The following STXBP4 variants were observed in gnomAD, a reference collection of about 807,000 sequenced individuals.
STXBP4 encodes the protein syntaxin binding protein 4.
STXBP4 carries 55 observed loss-of-function variants against 76.1 expected under a neutral mutation model. The observed-to-expected ratio is 0.72, with a 90% CI of 0.58 to 0.91. The LOEUF (loss-of-function observed/expected upper bound fraction) is 0.91. Among genes scored for constraint, STXBP4 ranks in the 40% least tolerant of loss-of-function variants. The pLI, the probability that STXBP4 is intolerant of heterozygous loss-of-function variation, is 0.00. For synonymous variants in STXBP4, 201 were observed against 220.2 expected (o/e 0.91, Z 0.77); for missense variants, 618 against 636.9 (o/e 0.97, Z 0.32).
Position 55,163,220 on chromosome 17 carries a change from T to TG in STXBP4, c.*3309_*3310insG, listed in dbSNP as rs565516409. The stretch of plus-strand genomic sequence containing the variant: ...AAATGTTCCTATAGATTTTCTGGGT[T>TG]TTTTTTTTTTTTTTGTCCTTGGAAG... On this transcript the variant is annotated 3_prime_UTR_variant, in exon 18 of 18. Transcript: ENST00000376352. 2.4e-4 allele frequency: 33 copies of TG among 139,448 alleles called. No individual in the cohort carries two copies. In the South Asian group the frequency reaches 7.2e-3, roughly 30 times the overall value. The allele number at this position is 139,448 out of a possible 1,614,324, so 8.6% of individuals were successfully genotyped here.
chr17:55,012,557 G>A (rs117003481), intron 8 of STXBP4, among the ~76,000 whole-genome samples: 5 of 152,016 alleles, frequency 3.3e-5, no homozygotes, highest in Non-Finnish European at 7.4e-5. Flanking sequence ...GTGTTCCCTC[G>A]GAAGTTAGGA....
chr17:55,212,749 CA>C, the STXBP4 span, among the ~76,000 whole-genome samples: 1 of 152,166 alleles, frequency 6.6e-6, no homozygotes, highest in Non-Finnish European at 1.5e-5. Context: ...CTAGGATTAT[CA>C]AAGGAGACAG....
In STXBP4 at chr17:55,078,720, C is replaced by A. The variant is rs2079219443; in HGVS notation, c.1340C>A (p.Pro447His). The A allele has an allele frequency of 1.9e-6, 3 of 1,560,120 alleles. No homozygotes were observed. Among genetic ancestry groups the A allele is most frequent in the African/African-American group, 2.7e-5 (2 of 73,846 alleles). Residue 447 changes from proline (P) to histidine (H), a missense_variant, in exon 15 of 18, where the codon CCT becomes CAT. Physicochemically the swap from Pro to His is moderately conservative, Grantham distance 77 (BLOSUM62 -2). Coordinates refer to ENST00000376352, the MANE Select transcript of STXBP4 (RefSeq NM_178509.6). ...IQEVFSDNST[P>H]LSNLSERRAV... The stretch of plus-strand genomic sequence containing the variant: ...GAAGTATTTTCTGATAATTCTACTC[C>A]TTTATCAAATTTAAGGTAAGAAAAT...
intron 16 of STXBP4, among the ~76,000 whole-genome samples, chr17:55,090,510 T>C (rs550264239): frequency 6.6e-5 from 10 of 152,088 alleles, no homozygotes; most frequent in Non-Finnish European, 1.2e-4. Flanking sequence ...GGTCAAATTT[T>C]AGGGCAATCA....
chr17:55,007,294 A>G (rs928167981), intron 7 of STXBP4, among the ~76,000 whole-genome samples: 5 of 151,736 alleles, frequency 3.3e-5, no homozygotes, highest in Non-Finnish European at 7.4e-5. Context: ...AGATCGTGCT[A>G]CTGCACTCCA....
chr17:55,097,870 A>G (rs2079511902), intron 16 of STXBP4, among the ~76,000 whole-genome samples: 2 of 151,946 alleles, frequency 1.3e-5, no homozygotes, highest in Admixed American at 6.6e-5. Context: ...GCTGAGTCTC[A>G]TTTTTTTTCA....
intron 11 of STXBP4, among the ~76,000 whole-genome samples, chr17:55,046,509 A>G (rs1237195469): frequency 6.6e-6 from 1 of 151,980 alleles, no homozygotes; most frequent in Non-Finnish European, 1.5e-5. Context: ...GATATAATTA[A>G]TAAAAATGGA....
chr17:55,004,182 CAAA>C, intron 7 of STXBP4, among the ~76,000 whole-genome samples: 1 of 122,976 alleles, frequency 8.1e-6, no homozygotes. Flanking sequence ...GATGCCATCT[CAAA>C]AAAAAAAAAA....
At position 55,019,459 on chromosome 17, in the gene STXBP4, G is replaced by C. The variant is rs73990275; in HGVS notation, c.667-11709G>C. On this transcript the variant is annotated intron_variant, in intron 8 of 17. Coordinates refer to ENST00000376352, the MANE Select transcript of STXBP4 (RefSeq NM_178509.6). ...ATTCTGATCCCCTGCTTCTCAATTT[G>C]TATACCTGTAATTGTCCAATATTTT... Among the ~76,000 whole-genome samples the C allele has an allele frequency of 6.9e-3, 1,042 of 152,084 alleles. 15 individuals carry two copies. Among genetic ancestry groups the C allele is most frequent in the African/African-American group, 0.023 (972 of 41,474 alleles).
At position 55,034,206 on chromosome 17, in the gene STXBP4, T is replaced by A. The variant is rs1476846760; in HGVS notation, c.802T>A (p.Leu268Met). 6.2e-7 allele frequency: 1 copy of A among 1,612,552 alleles called. No homozygotes were observed. Among genetic ancestry groups the A allele is most frequent in the East Asian group, 2.2e-5 (1 of 44,776 alleles). Reference protein sequence around the residue: ...QVARNLFCLQLDEVNVGAHEI... With the variant: ...QVARNLFCLQMDEVNVGAHEI... ...TGCCAGAAACTTGTTTTGCTTGCAG[T>A]TGGATGAAGTAAATGTTGGTGCACA... The change falls in exon 10 of 18, where the codon TTG becomes ATG. Residue 268 changes from leucine (L) to methionine (M), a missense_variant. Transcript: ENST00000376352.
chr17:55,020,033 G>C lies in STXBP4; in HGVS notation c.667-11135G>C, dbSNP rs546561595. Among the ~76,000 whole-genome samples the C allele has an allele frequency of 4.6e-5, 7 of 152,232 alleles. No individual in the cohort carries two copies. The East Asian group carries it at 1.3e-3, about 29-fold the overall frequency. On this transcript the variant is annotated intron_variant, in intron 8 of 17. Coordinates refer to ENST00000376352, the MANE Select transcript of STXBP4 (RefSeq NM_178509.6). The stretch of plus-strand genomic sequence containing the variant: ...GCCTATTTAGGATTTTTCAGGCTTC[G>C]TAAATCTGAAGATTTATATCTTTTT...
chr17:54,977,607 A>G (rs952362342), intron 1 of STXBP4, among the ~76,000 whole-genome samples: 2 of 152,184 alleles, frequency 1.3e-5, no homozygotes, highest in South Asian at 2.1e-4. Flanking sequence ...TTGATCTTTT[A>G]TATATTGGTT....
intron 13 of STXBP4, among the ~76,000 whole-genome samples, chr17:55,075,380 T>C (rs2079169222): frequency 6.6e-6 from 1 of 152,216 alleles, no homozygotes; most frequent in Non-Finnish European, 1.5e-5. Flanking sequence ...TGTCTTCTTA[T>C]TGTTTCTTGT....
rs1023458177 is a variant in STXBP4, at chr17:55,126,500, T to A, written c.1490-14810T>A. 2.0e-5 allele frequency among the ~76,000 whole-genome samples: 3 copies of A among 152,262 alleles called. No homozygotes were observed. The South Asian group carries it at 6.2e-4, about 32-fold the overall frequency. The stretch of plus-strand genomic sequence containing the variant: ...GTAGAAATAAACAGGAATGGGATAT[T>A]TCTGGGGTGGTGGTAATATTCTATA... On this transcript the variant is annotated intron_variant, in intron 16 of 17. Coordinates refer to ENST00000376352, the MANE Select transcript of STXBP4 (RefSeq NM_178509.6).
chr17:55,052,966 G>A, intron 12 of STXBP4, among the ~76,000 whole-genome samples: 1 of 114,498 alleles, frequency 8.7e-6, no homozygotes, highest in African/African-American at 3.3e-5. Context: ...GTATTCTTTA[G>A]AAATGTCAAT....
At chr17:55,008,664 G>C (rs778044087) in intron 8 of STXBP4, among the ~76,000 whole-genome samples, 1 of 152,078 alleles carries the variant, frequency 6.6e-6, no homozygotes, top group African/African-American at 2.4e-5. Flanking sequence ...GTAATAAACT[G>C]GGGGGAGCAT....
At chr17:54,989,946 A>G (rs1294051888) in intron 3 of STXBP4, among the ~76,000 whole-genome samples, 5 of 152,248 alleles carry the variant, frequency 3.3e-5, no homozygotes, top group Non-Finnish European at 5.9e-5. Context: ...TTTGCTTTAA[A>G]TGGCCACAGA....
chr17:55,107,517 A>T (rs769697448), intron 16 of STXBP4, among the ~76,000 whole-genome samples: 1 of 152,194 alleles, frequency 6.6e-6, no homozygotes, highest in Non-Finnish European at 1.5e-5. Flanking sequence ...GATAAGAAGC[A>T]TTCTGGTTTT....
intron 8 of STXBP4, among the ~76,000 whole-genome samples, chr17:55,012,645 C>A (rs2078135522): frequency 6.6e-6 from 1 of 152,160 alleles, no homozygotes; most frequent in Non-Finnish European, 1.5e-5. Context: ...TATATTTACC[C>A]TTTTCCTTCT....
Sources: allele counts gnomAD v4.1 joint callset (sites outside exome capture counted in the v4.1 genomes callset), GRCh38; gene constraint gnomAD v4.1.1; transcripts MANE v1.5; gene names NCBI Gene and HGNC (gene_info 2026-07-23, HGNC 2026-07-21).